Variants in ST6GALNAC5 observed in about 807,000 individuals in gnomAD.
ST6GALNAC5 encodes ST6 N-acetylgalactosaminide alpha-2,6-sialyltransferase 5.
A neutral mutation model predicts 33.6 loss-of-function variants in ST6GALNAC5; 27 were observed. The observed-to-expected ratio is 0.80, with a 90% CI of 0.59 to 1.11. ST6GALNAC5 has a LOEUF of 1.11. Among genes scored for constraint, ST6GALNAC5 ranks in the 50% least tolerant of loss-of-function variants. The pLI, the probability that ST6GALNAC5 is intolerant of heterozygous loss-of-function variation, is 0.00. For missense variants in ST6GALNAC5, 428 were observed against 454.0 expected, an observed-to-expected ratio of 0.94 and a Z score of 0.52; for synonymous variants, 194 against 171.2, an observed-to-expected ratio of 1.13 and a Z score of -1.04.
Position 76,868,433 on chromosome 1 carries a change from T to C in ST6GALNAC5, c.16-64T>C, listed in dbSNP as rs1441855130. The C allele has an allele frequency of 6.5e-7, 1 of 1,543,452 alleles. No homozygotes were observed. Among genetic ancestry groups the C allele is most frequent in the Non-Finnish European group, 8.7e-7 (1 of 1,143,198 alleles). On this transcript the variant is annotated intron_variant, in intron 1 of 4. Coordinates refer to ENST00000477717, the MANE Select transcript of ST6GALNAC5 (RefSeq NM_030965.3). The surrounding 1 kb of genome is among the most constrained non-coding windows in gnomAD (Gnocchi z 4.3). Reference sequence around the variant, plus strand: ...GTGACCACCGCACAGTTGTCCCCGCTGGGCGCGCTCCTCCGGTGTCTGCGC... The same window carrying C: ...GTGACCACCGCACAGTTGTCCCCGCCGGGCGCGCTCCTCCGGTGTCTGCGC...
intron 4 of ST6GALNAC5, among the ~76,000 whole-genome samples, chr1:77,055,334 C>T (rs1652355701): frequency 6.6e-6 from 1 of 152,212 alleles, no homozygotes; most frequent in Admixed American, 6.5e-5. Flanking sequence ...TCAGTTTGGA[C>T]TGCCCATCCC....
chr1:76,886,691 G>A (rs952174249), intron 2 of ST6GALNAC5, among the ~76,000 whole-genome samples: 2 of 152,116 alleles, frequency 1.3e-5, no homozygotes, highest in African/African-American at 4.8e-5. Context: ...GTAATATTAA[G>A]TAATAACTCC....
chr1:77,061,373 A>T (rs1428554256), intron 4 of ST6GALNAC5, among the ~76,000 whole-genome samples: 1 of 151,958 alleles, frequency 6.6e-6, no homozygotes, highest in Non-Finnish European at 1.5e-5. Context: ...AAAGACTTCG[A>T]TCCCTGACCC....
At chr1:76,881,138 T>C (rs539008567) in intron 2 of ST6GALNAC5, among the ~76,000 whole-genome samples, 6 of 152,280 alleles carry the variant, frequency 3.9e-5, no homozygotes, top group Admixed American at 6.5e-5. Context: ...TTAAATAATA[T>C]TGTCATCCGT....
At chr1:76,918,499 T>C (rs1557722698) in intron 2 of ST6GALNAC5, among the ~76,000 whole-genome samples, 2 of 151,528 alleles carry the variant, frequency 1.3e-5, no homozygotes, top group East Asian at 2.0e-4. Context: ...ATGCCTGTAG[T>C]CTCAGCTACT....
At chr1:77,011,884 T>C (rs1009489126) in intron 2 of ST6GALNAC5, among the ~76,000 whole-genome samples, 9 of 152,236 alleles carry the variant, frequency 5.9e-5, no homozygotes, top group Admixed American at 1.3e-4. Context: ...AAGATATTGT[T>C]CTGAATGCTT....
chr1:76,948,300 C>T (rs1252434637), intron 2 of ST6GALNAC5, among the ~76,000 whole-genome samples: 2 of 152,120 alleles, frequency 1.3e-5, no homozygotes, highest in African/African-American at 2.4e-5. Context: ...TGAAGTGGAT[C>T]TTACCACTGT....
intron 2 of ST6GALNAC5, among the ~76,000 whole-genome samples, chr1:77,003,783 G>T (rs1205376739): frequency 4.4e-4 from 66 of 149,402 alleles, no homozygotes; most frequent in Non-Finnish European, 7.3e-4. Context: ...AATTCTGGGT[G>T]GAAAATTCTT....
At chr1:76,935,725 A>C (rs1647195232) in intron 2 of ST6GALNAC5, among the ~76,000 whole-genome samples, 1 of 152,052 alleles carries the variant, frequency 6.6e-6, no homozygotes, top group South Asian at 2.1e-4. Flanking sequence ...TAGCATTTAT[A>C]GAAAAACACT....
intron 2 of ST6GALNAC5, among the ~76,000 whole-genome samples, chr1:77,023,275 T>C (rs1032183125): frequency 1.3e-5 from 2 of 152,240 alleles, no homozygotes; most frequent in African/African-American, 4.8e-5. Context: ...AACTAATACA[T>C]TGGGGATTTC....
At chr1:76,997,676 C>G (rs1649990061) in intron 2 of ST6GALNAC5, among the ~76,000 whole-genome samples, 1 of 152,114 alleles carries the variant, frequency 6.6e-6, no homozygotes, top group South Asian at 2.1e-4. Context: ...ATATTTGAAA[C>G]TTTAATAGTT....
intron 2 of ST6GALNAC5, among the ~76,000 whole-genome samples, chr1:76,872,093 A>T (rs574185979): frequency 1.3e-5 from 2 of 148,862 alleles, no homozygotes; most frequent in African/African-American, 5.1e-5. Context: ...ACACACACAC[A>T]CACACACACA....
Position 77,016,097 on chromosome 1 carries a change from A to C in ST6GALNAC5, c.262-28107A>C, listed in dbSNP as rs932385856. Among the ~76,000 whole-genome samples the C allele has an allele frequency of 6.8e-4, 37 of 54,254 alleles. 1 individual carries two copies. The highest frequency in any genetic ancestry group is 9.8e-4 in the Admixed American group (4 of 4,066). 35.6% of individuals were successfully genotyped at this position (54,254 alleles called of 152,430 possible). A position where few individuals can be genotyped will look rare whatever the true frequency, so the allele number is the denominator to read the frequency against. The stretch of plus-strand genomic sequence containing the variant: ...CCCTCCTTCTCCACTCCTCCCCCTC[A>C]TGCTCCTGTATCTCCTCCCTCTCCT... On this transcript the variant is annotated intron_variant, in intron 2 of 4. Coordinates refer to ENST00000477717, the MANE Select transcript of ST6GALNAC5 (RefSeq NM_030965.3).
At chr1:76,994,234 G>C (rs904807053) in intron 2 of ST6GALNAC5, among the ~76,000 whole-genome samples, 1 of 152,280 alleles carries the variant, frequency 6.6e-6, no homozygotes, top group South Asian at 2.1e-4. Flanking sequence ...AAAGATGTTA[G>C]AAGAAAATCA....
intron 2 of ST6GALNAC5, among the ~76,000 whole-genome samples, chr1:76,920,870 T>C (rs954071020): frequency 7.9e-5 from 12 of 151,944 alleles, no homozygotes; most frequent in African/African-American, 2.9e-4. Flanking sequence ...AGAAAACATA[T>C]GGTGGAAAGT....
intron 2 of ST6GALNAC5, among the ~76,000 whole-genome samples, chr1:77,014,467 C>T (rs146421510): frequency 2.5e-4 from 38 of 152,318 alleles, no homozygotes; most frequent in Non-Finnish European, 4.6e-4. Flanking sequence ...AAGGTCCCCC[C>T]ACCCAGGCCC....
At chr1:77,025,947 G>A (rs1472699794) in intron 2 of ST6GALNAC5, among the ~76,000 whole-genome samples, 2 of 152,190 alleles carry the variant, frequency 1.3e-5, no homozygotes, top group African/African-American at 4.8e-5. Context: ...GCCCAGCCTC[G>A]TCCAAGGCTG....
At chr1:76,958,892 A>C (rs537473179) in intron 2 of ST6GALNAC5, among the ~76,000 whole-genome samples, 1 of 152,152 alleles carries the variant, frequency 6.6e-6, no homozygotes, top group African/African-American at 2.4e-5. Flanking sequence ...AGTAGCTCTG[A>C]TCCACCAGGT....
intron 2 of ST6GALNAC5, among the ~76,000 whole-genome samples, chr1:76,971,882 A>C (rs186884925): frequency 2.6e-5 from 4 of 152,350 alleles, no homozygotes; most frequent in African/African-American, 9.6e-5. Context: ...AATATCAGAA[A>C]GTGTAAAACA....
Sources: allele counts gnomAD v4.1 joint callset (sites outside exome capture counted in the v4.1 genomes callset), GRCh38; gene constraint gnomAD v4.1.1; non-coding constraint Gnocchi (gnomAD v3.1); transcripts MANE v1.5; gene names NCBI Gene and HGNC (gene_info 2026-07-23, HGNC 2026-07-21).